The following POLR3A variants were observed in gnomAD, a reference collection of about 807,000 sequenced individuals.
The protein encoded by POLR3A is RNA polymerase III subunit A.
Under a neutral mutation model 152.8 loss-of-function variants are expected in POLR3A, and 112 were observed. That is an observed-to-expected ratio of 0.73 (90% CI 0.63 to 0.86). The LOEUF is 0.86. Among genes scored for constraint, POLR3A ranks in the 40% least tolerant of loss-of-function variants. The probability of loss-of-function intolerance (pLI) is 0.00; values close to 1 mark genes in which losing one functional copy is unlikely to be tolerated. For missense variants in POLR3A, 1,385 were observed against 1,743.1 expected (o/e 0.79, Z 3.66); for synonymous variants, 615 against 652.1 (o/e 0.94, Z 0.87).
chr10:78,021,414 C>T, intron 8 of POLR3A, 132 bp downstream of exon 8: 2 of 811,172 alleles, frequency 2.5e-6, no homozygotes. Context: ...AAGACACATA[C>T]ACTCATATAA....
chr10:78,013,741 G>A lies in POLR3A; in HGVS notation c.1481C>T (p.Thr494Ile), dbSNP rs779328644. The change falls in exon 11 of 31, where the codon ACA (threonine) becomes ATA (isoleucine). Residue 494 changes from threonine (T) to isoleucine (I), a missense_variant. Thr to Ile is a moderately conservative substitution (Grantham distance 89). Around this residue, in one of 7 missense-constraint regions of POLR3A, gnomAD observed 493 missense variants for 647.5 expected, o/e 0.76. Coordinates refer to ENST00000372371, the MANE Select transcript of POLR3A (RefSeq NM_007055.4). ...RTFRFNECVC[T>I]PYNADFDGDE... ...ACCATCAAAGTCAGCATTATAGGGT[G>A]TACAGACACACTCATTAAATCTGAA... 2.5e-6 allele frequency: 4 copies of A among 1,614,098 alleles called. No homozygotes were observed. The highest frequency in any genetic ancestry group is 1.3e-5 in the African/African-American group (1 of 75,024).
chr10:78,008,395 T>C (rs1432925841), intron 14 of POLR3A, among the ~76,000 whole-genome samples: 1 of 152,178 alleles, frequency 6.6e-6, no homozygotes, highest in Non-Finnish European at 1.5e-5. Flanking sequence ...GAAATAAATC[T>C]GAGGAGTATC....
intron 27 of POLR3A, 95 bp from the exon 28 acceptor site, chr10:77,982,413 T>C: frequency 8.2e-7 from 1 of 1,213,748 alleles, no homozygotes; most frequent in South Asian, 1.2e-5. Context: ...TGGTCATCTG[T>C]TAACACACTA....
At chr10:78,018,575 C>A (rs1847547907) in intron 9 of POLR3A, among the ~76,000 whole-genome samples, 1 of 151,544 alleles carries the variant, frequency 6.6e-6, no homozygotes, top group Non-Finnish European at 1.5e-5. Context: ...AGGCAATGAT[C>A]CACTTTATAT....
At chr10:77,978,928 C>T (rs934773509) in intron 30 of POLR3A, among the ~76,000 whole-genome samples, 4 of 152,030 alleles carry the variant, frequency 2.6e-5, no homozygotes, top group South Asian at 2.1e-4. Flanking sequence ...TCCCAAAGTG[C>T]TGGGATTACA....
intron 14 of POLR3A, 26 bp from the exon 15 acceptor site, chr10:78,007,892 C>T (rs779152376): frequency 2.4e-5 from 39 of 1,592,204 alleles, no homozygotes; most frequent in Non-Finnish European, 3.2e-5. Flanking sequence ...TATATTTAGA[C>T]AACAATTATT....
rs545793119 is a variant in POLR3A, at chr10:77,977,134, G to A, written c.*344C>T. On this transcript the variant is annotated 3_prime_UTR_variant, in exon 31 of 31. Transcript: ENST00000372371. ...TGTGAAGACACCATGGGGAGCCGAT[G>A]GATGTATGCAGTGAGCTGGGATGGA... 190 of 344,866 alleles carry A rather than the reference G, an allele frequency of 5.5e-4. No individual in the cohort carries two copies. The highest frequency in any genetic ancestry group is 4.6e-3 in the South Asian group (169 of 36,504). 21.4% of individuals were successfully genotyped at this position (344,866 alleles called of 1,614,324 possible).
chr10:77,985,366 T>C (rs1847186961), intron 23 of POLR3A, 26 bp from the exon 24 acceptor site: 2 of 1,604,356 alleles, frequency 1.2e-6, no homozygotes, highest in Non-Finnish European at 1.7e-6. Flanking sequence ...ATGGATGAGA[T>C]TGCAGCATGC....
At chr10:78,009,398 T>C (rs1847442285) in intron 14 of POLR3A, 139 bp downstream of exon 14, 2 of 1,152,404 alleles carry the variant, frequency 1.7e-6, no homozygotes, top group Non-Finnish European at 1.3e-6. Flanking sequence ...TACATTTTCC[T>C]GAAGAAAAAA....
rs533995353 is a variant in POLR3A at position 78,018,069 on chromosome 10, TGGA to T, written c.1290-356_1290-354del. Among the ~76,000 whole-genome samples, 5 of 150,808 alleles carry T rather than the reference TGGA, an allele frequency of 3.3e-5. No homozygotes were observed. The South Asian group carries it at 1.1e-3, about 32-fold the overall frequency. Reference sequence around the variant, plus strand: ...TGTGTGCCTTTAATCCCATCTACTTTGGAGCCTAAGGTGGGAGGATCACCTGAG... The same window carrying T: ...TGTGTGCCTTTAATCCCATCTACTTTGCCTAAGGTGGGAGGATCACCTGAG... On this transcript the variant is annotated intron_variant, in intron 9 of 30. Coordinates refer to ENST00000372371, the MANE Select transcript of POLR3A (RefSeq NM_007055.4).
At chr10:77,991,365 T>G (rs571307691) in intron 20 of POLR3A, among the ~76,000 whole-genome samples, 198 bp from the exon 21 acceptor site, 3 of 152,318 alleles carry the variant, frequency 2.0e-5, no homozygotes, top group Admixed American at 6.5e-5. Context: ...CTCCATCCTA[T>G]GCAAAAATTT....
At chr10:78,021,014 C>T (rs1589317738) in intron 8 of POLR3A, among the ~76,000 whole-genome samples, 1 of 152,236 alleles carries the variant, frequency 6.6e-6, no homozygotes, top group Middle Eastern at 3.4e-3. Context: ...CTCACCCAGG[C>T]TAGAGTGCAT....
chr10:78,025,210 G>T, intron 3 of POLR3A, 68 bp from the exon 4 acceptor site: 1 of 1,555,706 alleles, frequency 6.4e-7, no homozygotes, highest in Non-Finnish European at 8.9e-7. Context: ...TTTTAAAAAT[G>T]CCATCGCCCT....
intron 19 of POLR3A, among the ~76,000 whole-genome samples, chr10:77,999,128 A>C (rs992068541): frequency 6.6e-6 from 1 of 152,158 alleles, no homozygotes; most frequent in South Asian, 2.1e-4. Context: ...AGGAAGGGGA[A>C]CATCACACAC....
rs895227830 is a variant in POLR3A, at chr10:77,976,376, C to T, written c.*1102G>A. On this transcript the variant is annotated 3_prime_UTR_variant, in exon 31 of 31. Coordinates refer to ENST00000372371, the MANE Select transcript of POLR3A (RefSeq NM_007055.4). The stretch of plus-strand genomic sequence containing the variant: ...AACTCCTGGGCTCAAGTGATCTGCC[C>T]CCCTCGGCCTCCCAAAGTGCTGGGA... 2.0e-5 allele frequency: 3 copies of T among 152,056 alleles called. No individual in the cohort carries two copies. Among genetic ancestry groups the T allele is most frequent in the Non-Finnish European group, 4.4e-5 (3 of 68,042 alleles). 9.4% of individuals were successfully genotyped at this position (152,056 alleles called of 1,614,324 possible).
At position 78,007,791 on chromosome 10, in the gene POLR3A, T is replaced by C. The variant is rs1847425487; in HGVS notation, c.1985A>G (p.Asn662Ser). ...GTCTCGCAGCAAAATGTAAAAAATA[T>C]TGTTCTTGGATCCTGACCCTAGGGT... ...KGTLGSGSKN[N>S]IFYILLRDWG... Residue 662 changes from asparagine to serine, a missense_variant, in exon 15 of 31, where the codon AAT (asparagine) becomes AGT (serine). Coordinates refer to ENST00000372371, the MANE Select transcript of POLR3A (RefSeq NM_007055.4). 6 of 1,613,964 alleles carry C rather than the reference T, an allele frequency of 3.7e-6. No homozygotes were observed. Among genetic ancestry groups the C allele is most frequent in the South Asian group, 1.1e-5 (1 of 91,070 alleles).
intron 29 of POLR3A, 31 bp from the exon 30 acceptor site, chr10:77,980,304 A>C: frequency 1.2e-6 from 2 of 1,612,530 alleles, no homozygotes; most frequent in Non-Finnish European, 1.7e-6. Flanking sequence ...TCACGGTGGT[A>C]CTCACACCAA....
At chr10:78,006,395 CAA>C (rs36050560) in intron 15 of POLR3A, among the ~76,000 whole-genome samples, 115 of 21,928 alleles carry the variant, frequency 5.2e-3, no homozygotes, top group African/African-American at 0.012. Flanking sequence ...GACTCTGTCT[CAA>C]AAAAAAAAAA....
chr10:78,024,872 A>G, intron 4 of POLR3A, 99 bp downstream of exon 4: 1 of 1,492,568 alleles, frequency 6.7e-7, no homozygotes, highest in Admixed American at 1.7e-5. Context: ...ATTTATAAGG[A>G]GAAAAGCTGA....
Sources: gnomAD v4.1 joint callset for allele counts (sites outside exome capture counted in the v4.1 genomes callset) on GRCh38, gnomAD v4.1.1 for gene constraint, gnomAD v4.1.1 regional missense constraint, MANE v1.5 for transcripts, NCBI Gene and HGNC (gene_info 2026-07-23, HGNC 2026-07-21) for gene names.